KLHL29: variants seen among roughly 807,000 people sequenced by gnomAD.
The protein encoded by KLHL29 is kelch-like protein 29.
A neutral mutation model predicts 80.4 loss-of-function variants in KLHL29; 21 were observed. That is an observed-to-expected ratio of 0.26 (90% CI 0.19 to 0.38). KLHL29 has a LOEUF of 0.38. Among genes scored for constraint, KLHL29 ranks in the 10% least tolerant of loss-of-function variants. The probability of loss-of-function intolerance (pLI) is 1.00; values close to 1 mark genes in which losing one functional copy is unlikely to be tolerated. For missense variants in KLHL29, 867 were observed against 1,223.9 expected (o/e 0.71, Z 4.35); for synonymous variants, 511 against 526.8 (o/e 0.97, Z 0.41).
Position 23,706,912 on chromosome 2 carries a change from A to T in KLHL29, c.*248A>T. ...CCATGGGGCTGGCTGCCTCCTGAAC[A>T]GGGGCGCTCGCTCTGCCAGGTGCAA... On this transcript the variant is annotated 3_prime_UTR_variant, in exon 14 of 14. Transcript: ENST00000486442. 7.2e-6 allele frequency: 3 copies of T among 416,678 alleles called. No individual in the cohort carries two copies. In the South Asian group the frequency reaches 1.5e-4, roughly 21 times the overall value. The allele number at this position is 416,678 out of a possible 1,614,324, so 25.8% of individuals were successfully genotyped here.
chr2:23,697,603 T>TA (rs1672046351), intron 11 of KLHL29: 1 of 152,258 alleles, frequency 6.6e-6, no homozygotes. Flanking sequence ...TGACAAATGT[T>TA]ACAGCAAAGA....
chr2:23,394,572 C>A (rs1305142298), intron 1 of KLHL29, among the ~76,000 whole-genome samples: 1 of 152,178 alleles, frequency 6.6e-6, no homozygotes, highest in Non-Finnish European at 1.5e-5. Context: ...CCTCCAGACA[C>A]CTGCCTACCT....
intron 1 of KLHL29, among the ~76,000 whole-genome samples, chr2:23,441,685 A>G (rs1663528702): frequency 6.6e-6 from 1 of 152,154 alleles, no homozygotes; most frequent in Admixed American, 6.5e-5. Flanking sequence ...TCACATGACT[A>G]GAAAGTTGGA....
intron 2 of KLHL29, among the ~76,000 whole-genome samples, chr2:23,525,420 G>A (rs537977059): frequency 1.4e-4 from 21 of 152,364 alleles, no homozygotes; most frequent in African/African-American, 4.8e-4. Flanking sequence ...CAGTGCCTTG[G>A]TTTGAGGAGA....
At chr2:23,670,925 T>G (rs368537396) in intron 5 of KLHL29, among the ~76,000 whole-genome samples, 323 of 31,216 alleles carry the variant, frequency 0.01, 16 homozygotes, top group Middle Eastern at 0.043. Context: ...GCGCTCTCTC[T>G]CTCTCTCTCT....
rs982502861 is a variant in KLHL29, at chr2:23,685,251, T to TC, written c.1079+714_1079+715insC. On this transcript the variant is annotated intron_variant, in intron 6 of 13. Transcript: ENST00000486442. ...TTGGTGCATGAGCATCTTTTTTTTTTTCCTCCATTATGTTGATTTTTTAAT... is the reference window on the plus strand; with the variant it reads ...TTGGTGCATGAGCATCTTTTTTTTTTCTCCTCCATTATGTTGATTTTTTAAT... The TC allele has an allele frequency of 4.3e-4, 66 of 151,770 alleles. 1 individual carries two copies. Among genetic ancestry groups the TC allele is most frequent in the African/African-American group, 1.5e-3 (64 of 41,364 alleles). 9.4% of individuals were successfully genotyped at this position (151,770 alleles called of 1,614,324 possible).
At chr2:23,568,309 T>TG (rs1667639099) in intron 3 of KLHL29, among the ~76,000 whole-genome samples, 5 of 152,256 alleles carry the variant, frequency 3.3e-5, no homozygotes, top group African/African-American at 1.2e-4. Context: ...CCCCAAAACC[T>TG]GGGGTTTTAA....
chr2:23,539,614 T>A (rs1385696646), intron 2 of KLHL29, among the ~76,000 whole-genome samples: 2 of 151,844 alleles, frequency 1.3e-5, no homozygotes, highest in Non-Finnish European at 2.9e-5. Flanking sequence ...CTGATTTTTG[T>A]ATTTTTTTTA....
At chr2:23,441,505 A>G (rs925288097) in intron 1 of KLHL29, among the ~76,000 whole-genome samples, 38 of 151,960 alleles carry the variant, frequency 2.5e-4, no homozygotes, top group African/African-American at 8.0e-4. Context: ...AATTAATAAT[A>G]AAAGAAATCA....
chr2:23,533,420 A>G (rs2103479265), intron 2 of KLHL29, among the ~76,000 whole-genome samples: 1 of 152,264 alleles, frequency 6.6e-6, no homozygotes, highest in South Asian at 2.1e-4. Flanking sequence ...GGAGACTTGT[A>G]GCTCCTGGCC....
intron 1 of KLHL29, among the ~76,000 whole-genome samples, chr2:23,431,810 C>T (rs968121503): frequency 2.7e-5 from 4 of 146,822 alleles, no homozygotes; most frequent in Admixed American, 2.1e-4. Flanking sequence ...AGGAGAATGG[C>T]GTGAACCCGG....
intron 5 of KLHL29, among the ~76,000 whole-genome samples, chr2:23,670,933 T>G (rs1392304195): frequency 8.9e-4 from 9 of 10,160 alleles, no homozygotes; most frequent in Admixed American, 3.0e-3. Flanking sequence ...TCTCTCTCTC[T>G]CTCTCTCTCT....
Position 23,474,920 on chromosome 2 carries a change from C to T in KLHL29, c.-153-640C>T, listed in dbSNP as rs1664591188. 2.0e-5 allele frequency among the ~76,000 whole-genome samples: 3 copies of T among 151,656 alleles called. No individual in the cohort carries two copies. The South Asian group carries it at 6.2e-4, about 32-fold the overall frequency. On this transcript the variant is annotated intron_variant, in intron 1 of 13. Coordinates refer to ENST00000486442, the MANE Select transcript of KLHL29 (RefSeq NM_052920.2). ...TTTCCCGTTGTGAAGATGGCTTTCT[C>T]ATAGATTACATTTAAAAGAAGGAAC...
At chr2:23,469,506 A>G (rs1664438339) in intron 1 of KLHL29, among the ~76,000 whole-genome samples, 1 of 152,218 alleles carries the variant, frequency 6.6e-6, no homozygotes, top group Non-Finnish European at 1.5e-5. Flanking sequence ...GCTGAGATTT[A>G]TGGGTCTGAA....
chr2:23,494,464 C>T (rs1369701020), intron 2 of KLHL29, among the ~76,000 whole-genome samples: 2 of 152,164 alleles, frequency 1.3e-5, no homozygotes, highest in Non-Finnish European at 2.9e-5. Context: ...ACAGGCACGC[C>T]ACAGGCCTGA....
intron 5 of KLHL29, among the ~76,000 whole-genome samples, chr2:23,671,406 A>G (rs1670755603): frequency 6.6e-6 from 1 of 152,080 alleles, no homozygotes; most frequent in Admixed American, 6.5e-5. Context: ...CCAAAGCCGT[A>G]GCTGACCAGA....
chr2:23,556,068 C>T (rs1667283429), intron 2 of KLHL29, among the ~76,000 whole-genome samples: 1 of 152,232 alleles, frequency 6.6e-6, no homozygotes, highest in African/African-American at 2.4e-5. Context: ...TGACGTGTTC[C>T]CTCCCTTGTT....
intron 2 of KLHL29, among the ~76,000 whole-genome samples, chr2:23,499,971 G>A (rs574549860): frequency 6.6e-6 from 1 of 152,328 alleles, no homozygotes; most frequent in African/African-American, 2.4e-5. Flanking sequence ...ATTTGCTTTG[G>A]TTTTAGCGTT....
chr2:23,691,539 G>A, intron 6 of KLHL29, 135 bp from the exon 7 acceptor site: 2 of 669,768 alleles, frequency 3.0e-6, no homozygotes, highest in Middle Eastern at 4.0e-4. Context: ...ATTAGGTTCA[G>A]GTGTGTCATT....
Sources: gnomAD v4.1 joint callset for allele counts (sites outside exome capture counted in the v4.1 genomes callset) on GRCh38, gnomAD v4.1.1 for gene constraint, MANE v1.5 for transcripts, NCBI Gene and HGNC (gene_info 2026-07-23, HGNC 2026-07-21) for gene names.